NEO1: variants seen among roughly 807,000 people sequenced by gnomAD.
NEO1 encodes the protein neogenin 1, also known as neogenin.
NEO1 carries 63 observed loss-of-function variants against 159.7 expected under a neutral mutation model. That is an observed-to-expected ratio of 0.39 (90% confidence interval 0.32 to 0.49). The LOEUF is 0.49. Among genes scored for constraint, NEO1 ranks in the 20% least tolerant of loss-of-function variants. NEO1 has a pLI of 0.85. For missense variants in NEO1, 1,615 were observed against 1,831.0 expected, an observed-to-expected ratio of 0.88 and a Z score of 2.15; for synonymous variants, 633 against 662.0, an observed-to-expected ratio of 0.96 and a Z score of 0.67.
intron 1 of NEO1, among the ~76,000 whole-genome samples, chr15:73,092,961 A>G (rs1224027102): frequency 6.6e-6 from 1 of 152,168 alleles, no homozygotes; most frequent in African/African-American, 2.4e-5. Flanking sequence ...CCAGAATCCC[A>G]TCCAGCATAC....
intron 7 of NEO1, among the ~76,000 whole-genome samples, chr15:73,201,687 T>C (rs2036900527): frequency 6.6e-6 from 1 of 152,156 alleles, no homozygotes; most frequent in Non-Finnish European, 1.5e-5. Context: ...TTACAGTGAA[T>C]TTTGCCTATC....
In NEO1 at chr15:73,248,880, T is replaced by A. The variant is rs977564881; in HGVS notation, c.1607-180T>A. 4.6e-5 allele frequency among the ~76,000 whole-genome samples: 7 copies of A among 152,368 alleles called. No homozygotes were observed. The South Asian group carries it at 6.2e-4, about 14-fold the overall frequency. ...TTTCAGTGTAATTTCTGGTTTTGATTTGAATCATAAAAAGGAAAATGTGTT... is the reference window on the plus strand; with the variant it reads ...TTTCAGTGTAATTTCTGGTTTTGATATGAATCATAAAAAGGAAAATGTGTT... On this transcript the variant is annotated intron_variant, in intron 9 of 28. Transcript: ENST00000261908.
At chr15:73,211,487 CG>C (rs1005419998) in intron 7 of NEO1, among the ~76,000 whole-genome samples, 8 of 152,118 alleles carry the variant, frequency 5.3e-5, no homozygotes, top group African/African-American at 1.9e-4. Flanking sequence ...GAGGCCGAGG[CG>C]GGCGGATCAG....
chr15:73,125,222 C>T (rs2030029479), intron 3 of NEO1, among the ~76,000 whole-genome samples: 1 of 152,182 alleles, frequency 6.6e-6, no homozygotes, highest in African/African-American at 2.4e-5. Context: ...TCCTTATCTC[C>T]TATAGAGTTT....
intron 4 of NEO1, among the ~76,000 whole-genome samples, chr15:73,129,090 G>A (rs1309397462): frequency 2.0e-5 from 3 of 152,226 alleles, no homozygotes; most frequent in African/African-American, 4.8e-5. Context: ...GACAGTGTTG[G>A]TGGTGTTCAC....
chr15:73,250,761 A>G (rs545996285), intron 11 of NEO1, among the ~76,000 whole-genome samples: 3 of 152,318 alleles, frequency 2.0e-5, no homozygotes, highest in East Asian at 3.9e-4. Flanking sequence ...GTAAAGACAC[A>G]TGAAATAAAA....
chr15:73,088,774 A>G (rs2069509403), intron 1 of NEO1, among the ~76,000 whole-genome samples: 1 of 152,084 alleles, frequency 6.6e-6, no homozygotes, highest in Non-Finnish European at 1.5e-5. Context: ...ACTGAAGAGG[A>G]TGGGGACATT....
At chr15:73,147,311 T>G (rs911578259) in intron 5 of NEO1, among the ~76,000 whole-genome samples, 2 of 152,202 alleles carry the variant, frequency 1.3e-5, no homozygotes. Flanking sequence ...TGATTTCTTT[T>G]TTGCCTTCTA....
Position 73,116,538 on chromosome 15 carries a change from A to G in NEO1, c.131-2A>G. ...CTTTGTTCTTTTTCTTTATTTTTGT[A>G]GGAGCCAGCATTCGAACGTTCACTC... On this transcript the variant is annotated splice_acceptor_variant, in intron 1 of 28. Coordinates refer to ENST00000261908, the MANE Select transcript of NEO1 (RefSeq NM_002499.4). LOFTEE classifies it high-confidence loss of function. The G allele has an allele frequency of 6.6e-7, 1 of 1,510,022 alleles. No individual in the cohort carries two copies. The highest frequency in any genetic ancestry group is 2.3e-5 in the East Asian group (1 of 43,612). The allele number at this position is 1,510,022 out of a possible 1,614,324, so 93.5% of individuals were successfully genotyped here.
At chr15:73,157,364 G>A (rs59987305) in intron 5 of NEO1, among the ~76,000 whole-genome samples, 1,947 of 152,304 alleles carry the variant, frequency 0.013, 30 homozygotes, top group African/African-American at 0.044. Flanking sequence ...GTTAAGAGCT[G>A]GGATTGAGAA....
At chr15:73,214,374 A>T (rs897680758) in intron 7 of NEO1, among the ~76,000 whole-genome samples, 1 of 152,148 alleles carries the variant, frequency 6.6e-6, no homozygotes, top group Non-Finnish European at 1.5e-5. Flanking sequence ...GGGTTTTTCC[A>T]TGTTATCTTC....
intron 5 of NEO1, among the ~76,000 whole-genome samples, chr15:73,168,391 G>GGGC (rs2034727336): frequency 1.1e-5 from 1 of 87,818 alleles, no homozygotes; most frequent in Non-Finnish European, 2.5e-5. Flanking sequence ...GGGGGGGGGG[G>GGGC]TCTCACCATG....
chr15:73,106,753 A>G (rs1300022862), intron 1 of NEO1, among the ~76,000 whole-genome samples: 1 of 152,192 alleles, frequency 6.6e-6, no homozygotes, highest in East Asian at 1.9e-4. Flanking sequence ...AATGGGGATA[A>G]TAATAGTTCT....
At chr15:73,202,269 T>G (rs1009255145) in intron 7 of NEO1, among the ~76,000 whole-genome samples, 8 of 152,164 alleles carry the variant, frequency 5.3e-5, no homozygotes, top group African/African-American at 1.9e-4. Context: ...GGCCTCCCTT[T>G]ACTTTTTTTG....
At chr15:73,065,526 C>T (rs1307943651) in intron 1 of NEO1, among the ~76,000 whole-genome samples, 3 of 152,112 alleles carry the variant, frequency 2.0e-5, no homozygotes, top group African/African-American at 7.2e-5. Flanking sequence ...ATATGTTGTT[C>T]CATGTCCACT....
intron 27 of NEO1, among the ~76,000 whole-genome samples, chr15:73,299,512 A>T (rs1016918877): frequency 6.6e-6 from 1 of 151,986 alleles, no homozygotes; most frequent in Non-Finnish European, 1.5e-5. Flanking sequence ...TAGCCTCCCA[A>T]GCAGCTGGGA....
At chr15:73,160,417 A>G (rs2034090035) in intron 5 of NEO1, among the ~76,000 whole-genome samples, 1 of 152,156 alleles carries the variant, frequency 6.6e-6, no homozygotes, top group Admixed American at 6.5e-5. Flanking sequence ...TTTCATATGT[A>G]TATTCTTGCC....
At chr15:73,211,050 A>G (rs1046030876) in intron 7 of NEO1, among the ~76,000 whole-genome samples, 1 of 152,218 alleles carries the variant, frequency 6.6e-6, no homozygotes, top group Non-Finnish European at 1.5e-5. Flanking sequence ...AATACTTTAA[A>G]TACAGCATTT....
chr15:73,285,351 C>G (rs1485447044), intron 23 of NEO1, among the ~76,000 whole-genome samples: 3 of 152,160 alleles, frequency 2.0e-5, no homozygotes, highest in Non-Finnish European at 4.4e-5. Flanking sequence ...AACTCCTGAC[C>G]TCAAGTGATC....
Sources: gnomAD v4.1 joint callset for allele counts (sites outside exome capture counted in the v4.1 genomes callset) on GRCh38, gnomAD v4.1.1 for gene constraint, MANE v1.5 for transcripts, NCBI Gene and HGNC (gene_info 2026-07-23, HGNC 2026-07-21) for gene names.